The following THNSL1 variants were observed in gnomAD, a reference collection of about 807,000 sequenced individuals.
THNSL1 encodes threonine synthase-like 1.
THNSL1 carries 48 observed loss-of-function variants against 50.4 expected under a neutral mutation model. The ratio of observed to expected loss-of-function variants is 0.95; its 90% CI spans 0.76 to 1.21. The LOEUF is 1.21. THNSL1 is among the 50% of genes most tolerant of loss of function. THNSL1 has a pLI of 0.00. For missense variants in THNSL1, 896 were observed against 871.7 expected, an observed-to-expected ratio of 1.03 and a Z score of -0.35; for synonymous variants, 309 against 306.1, an observed-to-expected ratio of 1.01 and a Z score of -0.10.
the THNSL1 span, among the ~76,000 whole-genome samples, chr10:24,989,357 G>A: frequency 6.6e-6 from 1 of 152,148 alleles, no homozygotes. Flanking sequence ...TGGGGATGCT[G>A]CTGTCAGCAA....
chr10:24,958,056 TC>T, the THNSL1 span, among the ~76,000 whole-genome samples: 1 of 152,244 alleles, frequency 6.6e-6, no homozygotes, highest in African/African-American at 2.4e-5. Context: ...GTTCAGTCTA[TC>T]CACTGAATTG....
chr10:25,020,242 A>ATCTATT (rs1215297450), intron 1 of THNSL1, among the ~76,000 whole-genome samples: 2 of 124,278 alleles, frequency 1.6e-5, no homozygotes, highest in African/African-American at 5.2e-5. Flanking sequence ...TTTAAAATAT[A>ATCTATT]TCTATATCTA....
In THNSL1 at chr10:25,026,456, G is replaced by A. The variant is rs1850853757; in HGVS notation, c.*1001G>A. 6.0e-6 allele frequency: 1 copy of A among 167,064 alleles called. No individual in the cohort carries two copies. Among genetic ancestry groups the A allele is most frequent in the South Asian group, 2.1e-4 (1 of 4,826 alleles). The allele number at this position is 167,064 out of a possible 1,614,324, so 10.3% of individuals were successfully genotyped here. A position where few individuals can be genotyped will look rare whatever the true frequency, so the allele number is the denominator to read the frequency against. On this transcript the variant is annotated 3_prime_UTR_variant, in exon 3 of 3. Coordinates refer to ENST00000376356, the MANE Select transcript of THNSL1 (RefSeq NM_024838.5). ...CTCAATAGGAGTGTATTTGTAGACA[G>A]CAGTTTCCCTATATTATTTGGAGTC...
chr10:25,019,701 A>G (rs1451148013), intron 1 of THNSL1, among the ~76,000 whole-genome samples: 2 of 152,226 alleles, frequency 1.3e-5, no homozygotes, highest in African/African-American at 4.8e-5. Context: ...AGTCAGTCCT[A>G]TTAACTGCTA....
At chr10:24,977,228 ATTC>A in the THNSL1 span, among the ~76,000 whole-genome samples, 1 of 152,210 alleles carries the variant, frequency 6.6e-6, no homozygotes, top group Non-Finnish European at 1.5e-5. Flanking sequence ...AATAGGTGTA[ATTC>A]TTCTATAGAT....
chr10:24,961,661 G>A, the THNSL1 span, among the ~76,000 whole-genome samples: 19 of 151,444 alleles, frequency 1.3e-4, no homozygotes, highest in African/African-American at 3.9e-4. Flanking sequence ...TGTTAAAAGC[G>A]TAGTAATTGG....
chr10:24,990,496 C>G, the THNSL1 span: 9 of 1,613,476 alleles, frequency 5.6e-6, no homozygotes, highest in African/African-American at 5.3e-5. Context: ...CATCGGAGAG[C>G]CTTTTCATAG....
the THNSL1 span, among the ~76,000 whole-genome samples, chr10:25,010,276 C>T: frequency 6.6e-6 from 1 of 152,090 alleles, no homozygotes; most frequent in South Asian, 2.1e-4. Context: ...TGGCATTTTG[C>T]CCCTGCCCTA....
the THNSL1 span, among the ~76,000 whole-genome samples, chr10:25,002,486 T>G: frequency 6.6e-6 from 1 of 152,340 alleles, no homozygotes; most frequent in Admixed American, 6.5e-5. Context: ...CCAGAGAGTA[T>G]GCTGGGGCAG....
chr10:25,018,656 GTT>G (rs1850657699), intron 1 of THNSL1, among the ~76,000 whole-genome samples: 2 of 77,744 alleles, frequency 2.6e-5, no homozygotes, highest in East Asian at 7.1e-4. Context: ...ACAAATGAGA[GTT>G]GTTTTTTTTT....
At chr10:24,977,854 A>G in the THNSL1 span, among the ~76,000 whole-genome samples, 18 of 152,352 alleles carry the variant, frequency 1.2e-4, no homozygotes, top group African/African-American at 4.1e-4. Context: ...GCAGAAGTTC[A>G]GGAATGGGAT....
the THNSL1 span, chr10:24,984,461 G>A: frequency 7.2e-7 from 1 of 1,397,898 alleles, no homozygotes; most frequent in Non-Finnish European, 9.7e-7. Flanking sequence ...TGTGAAACAA[G>A]TACATAATAA....
chr10:24,978,073 T>G, the THNSL1 span, among the ~76,000 whole-genome samples: 7 of 152,238 alleles, frequency 4.6e-5, no homozygotes, highest in Non-Finnish European at 8.8e-5. Flanking sequence ...AGGCTATATC[T>G]GCGTGTGCAG....
At chr10:24,964,241 A>G in the THNSL1 span, among the ~76,000 whole-genome samples, 2 of 152,204 alleles carry the variant, frequency 1.3e-5, no homozygotes, top group African/African-American at 4.8e-5. Context: ...TCACTGCCCT[A>G]GAGTAACAGC....
the THNSL1 span, among the ~76,000 whole-genome samples, chr10:24,996,931 G>A: frequency 5.9e-5 from 9 of 152,288 alleles, no homozygotes; most frequent in South Asian, 2.1e-4. Context: ...TAGAGAAGGC[G>A]CTGATCCAAT....
chr10:24,953,408 T>C, the THNSL1 span: 1 of 152,300 alleles, frequency 6.6e-6, no homozygotes, highest in Non-Finnish European at 1.5e-5. Flanking sequence ...GGGGGAGAGA[T>C]TTTTACACAT....
chr10:25,020,262 C>T (rs1564347748), intron 1 of THNSL1, among the ~76,000 whole-genome samples: 3 of 136,968 alleles, frequency 2.2e-5, no homozygotes, highest in African/African-American at 7.5e-5. Context: ...ATATCTATAT[C>T]TATATCTATA....
the THNSL1 span, among the ~76,000 whole-genome samples, chr10:24,987,163 C>A: frequency 6.6e-6 from 1 of 152,122 alleles, no homozygotes; most frequent in South Asian, 2.1e-4. Flanking sequence ...TAGCTGCATT[C>A]ATCTGTGACT....
the THNSL1 span, chr10:24,990,423 C>T: frequency 6.3e-7 from 1 of 1,579,098 alleles, no homozygotes; most frequent in Non-Finnish European, 8.6e-7. Flanking sequence ...CAGAGATGAT[C>T]CAAAGAGTTA....
Sources: gnomAD v4.1 joint callset for allele counts (sites outside exome capture counted in the v4.1 genomes callset) on GRCh38, gnomAD v4.1.1 for gene constraint, MANE v1.5 for transcripts, NCBI Gene and HGNC (gene_info 2026-07-23, HGNC 2026-07-21) for gene names.